The following B3GALT1 variants were observed in gnomAD, a reference collection of about 807,000 sequenced individuals.
B3GALT1 encodes the protein UDP-Gal:betaGlcNAc beta 1,3-galactosyltransferase, polypeptide 1.
In B3GALT1, 10 loss-of-function variants were observed where a neutral mutation model predicts 23.2. The observed-to-expected ratio is 0.43, with a 90% CI of 0.27 to 0.73. The LOEUF is 0.73. B3GALT1 is among the 30% of genes least tolerant of loss of function. B3GALT1 has a pLI of 0.21. For synonymous variants in B3GALT1, 156 were observed against 141.5 expected (o/e 1.10, Z -0.73); for missense variants, 299 against 405.4 (o/e 0.74, Z 2.25).
At chr2:167,510,636 A>G (rs1447901579) in intron 2 of B3GALT1, among the ~76,000 whole-genome samples, 1 of 152,148 alleles carries the variant, frequency 6.6e-6, no homozygotes, top group Non-Finnish European at 1.5e-5. Flanking sequence ...TTGGCTTCCC[A>G]GAGTATCAAA....
chr2:167,500,259 G>A (rs1450426996), intron 2 of B3GALT1, among the ~76,000 whole-genome samples: 2 of 152,042 alleles, frequency 1.3e-5, no homozygotes, highest in Non-Finnish European at 2.9e-5. Context: ...CTTATTTATC[G>A]AGACATAGGT....
chr2:167,817,467 G>A (rs1232795973), intron 3 of B3GALT1, among the ~76,000 whole-genome samples: 1 of 152,160 alleles, frequency 6.6e-6, no homozygotes, highest in Non-Finnish European at 1.5e-5. Context: ...TTTTGCACAT[G>A]GGACCTAGAA....
intron 2 of B3GALT1, among the ~76,000 whole-genome samples, chr2:167,490,701 A>T (rs560700887): frequency 5.3e-4 from 80 of 152,176 alleles, no homozygotes; most frequent in South Asian, 8.3e-4. Context: ...TTATTAGCAC[A>T]TCTGTAAACA....
In B3GALT1 at chr2:167,660,928, C is replaced by T. The variant is rs1352694411; in HGVS notation, c.-352+13962C>T. Reference sequence around the variant, plus strand: ...GAGAGAATTTCCTGGACTACCCTAACACATTTACAAATTTGATAAATAGCC... The same window carrying T: ...GAGAGAATTTCCTGGACTACCCTAATACATTTACAAATTTGATAAATAGCC... On this transcript the variant is annotated intron_variant, in intron 3 of 4. Transcript: ENST00000392690. 2.6e-5 allele frequency among the ~76,000 whole-genome samples: 4 copies of T among 152,194 alleles called. No individual in the cohort carries two copies. In the South Asian group the frequency reaches 6.2e-4, roughly 24 times the overall value.
intron 2 of B3GALT1, among the ~76,000 whole-genome samples, chr2:167,491,661 A>G (rs1222834080): frequency 6.6e-6 from 1 of 151,896 alleles, no homozygotes; most frequent in Non-Finnish European, 1.5e-5. Flanking sequence ...AAAAATACAA[A>G]AAAATTACCC....
intron 2 of B3GALT1, among the ~76,000 whole-genome samples, chr2:167,629,412 G>T (rs1361883388): frequency 6.6e-6 from 1 of 151,660 alleles, no homozygotes; most frequent in Non-Finnish European, 1.5e-5. Flanking sequence ...TCATCACATA[G>T]ATGAGAGTTC....
chr2:167,642,248 T>C (rs1263997781), intron 2 of B3GALT1, among the ~76,000 whole-genome samples: 1 of 152,146 alleles, frequency 6.6e-6, no homozygotes, highest in Non-Finnish European at 1.5e-5. Flanking sequence ...ATCAAATATT[T>C]TTCACCATCG....
At chr2:167,737,842 A>T (rs762403417) in intron 3 of B3GALT1, among the ~76,000 whole-genome samples, 1 of 152,216 alleles carries the variant, frequency 6.6e-6, no homozygotes, top group African/African-American at 2.4e-5. Flanking sequence ...GTTGTGCCTC[A>T]GACTTAACCC....
In B3GALT1 at chr2:167,635,551, A is replaced by G. The variant is rs559829132; in HGVS notation, c.-409-11358A>G. Among the ~76,000 whole-genome samples, 51 of 152,056 alleles carry G rather than the reference A, an allele frequency of 3.4e-4. No homozygotes were observed. The Middle Eastern group carries it at 0.01, about 30-fold the overall frequency. On this transcript the variant is annotated intron_variant, in intron 2 of 4. Transcript: ENST00000392690. ...AAATCACAAGCATTCCTATACGCCA[A>G]TAACAGACAGAGAGCCAAATCATGA...
At chr2:167,662,518 A>T (rs528355201) in intron 3 of B3GALT1, among the ~76,000 whole-genome samples, 35 of 152,266 alleles carry the variant, frequency 2.3e-4, no homozygotes, top group Admixed American at 1.3e-4. Flanking sequence ...TGGCACCAGT[A>T]TGGAATGGCA....
In B3GALT1 at chr2:167,600,282, C is replaced by T. The variant is rs143987224; in HGVS notation, c.-409-46627C>T. Among the ~76,000 whole-genome samples, 809 of 152,260 alleles carry T rather than the reference C, an allele frequency of 5.3e-3. 6 individuals carry two copies. The highest frequency in any genetic ancestry group is 0.02 in the Middle Eastern group (6 of 294). On this transcript the variant is annotated intron_variant, in intron 2 of 4. Transcript: ENST00000392690. Reference sequence around the variant, plus strand: ...TCCAAGGCCACCATGTTATTGAGAACGGCCAGTAGTCTAGCAAAGTATTAA... The same window carrying T: ...TCCAAGGCCACCATGTTATTGAGAATGGCCAGTAGTCTAGCAAAGTATTAA...
In B3GALT1 at chr2:167,773,245, T is replaced by G. The variant is rs372510508; in HGVS notation, c.-351-45427T>G. Reference sequence around the variant, plus strand: ...TTTAGAAGCAATCTTTGATATTATATGTTGTATTTGAATATAAAAATGCAA... The same window carrying G: ...TTTAGAAGCAATCTTTGATATTATAGGTTGTATTTGAATATAAAAATGCAA... On this transcript the variant is annotated intron_variant, in intron 3 of 4. Transcript: ENST00000392690. Among the ~76,000 whole-genome samples the G allele has an allele frequency of 1.8e-4, 27 of 152,348 alleles. No individual in the cohort carries two copies. The East Asian group carries it at 2.1e-3, about 12-fold the overall frequency.
chr2:167,639,721 T>A (rs994105447), intron 2 of B3GALT1, among the ~76,000 whole-genome samples: 2 of 152,106 alleles, frequency 1.3e-5, no homozygotes, highest in Non-Finnish European at 2.9e-5. Flanking sequence ...TTTCTTTTGG[T>A]CTATCTGTGT....
intron 1 of B3GALT1, among the ~76,000 whole-genome samples, chr2:167,451,575 C>T (rs1699091255): frequency 6.6e-6 from 1 of 152,186 alleles, no homozygotes; most frequent in Admixed American, 6.5e-5. Flanking sequence ...CCATGGATGT[C>T]AGCACCCCCT....
At chr2:167,786,095 TCTGCCTC>T (rs1688340485) in intron 3 of B3GALT1, among the ~76,000 whole-genome samples, 2 of 152,218 alleles carry the variant, frequency 1.3e-5, no homozygotes, top group African/African-American at 4.8e-5. Flanking sequence ...AAATGGCAGG[TCTGCCTC>T]CTACCCTGAA....
chr2:167,365,784 A>T (rs1370971104), intron 1 of B3GALT1, among the ~76,000 whole-genome samples: 1 of 152,212 alleles, frequency 6.6e-6, no homozygotes, highest in Non-Finnish European at 1.5e-5. Context: ...ACACCTACTG[A>T]TACAGCACAT....
At chr2:167,637,984 C>A (rs1486267811) in intron 2 of B3GALT1, among the ~76,000 whole-genome samples, 1 of 151,950 alleles carries the variant, frequency 6.6e-6, no homozygotes, top group Non-Finnish European at 1.5e-5. Flanking sequence ...GTGAACAAAG[C>A]AGGAAGTCAG....
At chr2:167,834,019 A>G (rs1026224062) in intron 4 of B3GALT1, among the ~76,000 whole-genome samples, 2 of 152,214 alleles carry the variant, frequency 1.3e-5, no homozygotes, top group South Asian at 4.1e-4. Context: ...ATCAGTGAGG[A>G]GTAGAACTCT....
intron 1 of B3GALT1, among the ~76,000 whole-genome samples, chr2:167,463,268 A>G (rs1361057808): frequency 6.6e-6 from 1 of 152,068 alleles, no homozygotes; most frequent in African/African-American, 2.4e-5. Flanking sequence ...ATATCTCCAT[A>G]ATGCCTAGCA....
Sources: allele counts gnomAD v4.1 joint callset (sites outside exome capture counted in the v4.1 genomes callset), GRCh38; gene constraint gnomAD v4.1.1; transcripts MANE v1.5; gene names NCBI Gene and HGNC (gene_info 2026-07-23, HGNC 2026-07-21).